MCF2L: variants seen among roughly 807,000 people sequenced by gnomAD.
MCF2L encodes MCF.2 cell line derived transforming sequence like, also known as guanine nucleotide exchange factor DBS.
Under a neutral mutation model 153.4 loss-of-function variants are expected in MCF2L, and 97 were observed. The observed-to-expected ratio is 0.63, with a 90% CI of 0.54 to 0.75. MCF2L has a LOEUF of 0.75. MCF2L is among the 30% of genes least tolerant of loss of function. The pLI is 0.00. For missense variants in MCF2L, 1,347 were observed against 1,495.2 expected, an observed-to-expected ratio of 0.90 and a Z score of 1.64; for synonymous variants, 659 against 632.2, an observed-to-expected ratio of 1.04 and a Z score of -0.64.
At position 112,993,655 on chromosome 13, in the gene MCF2L, T is replaced by G. The variant is rs2082985293; in HGVS notation, c.80-21108T>G. Among the ~76,000 whole-genome samples the G allele has an allele frequency of 6.6e-6, 1 of 152,040 alleles. No homozygotes were observed. The highest frequency in any genetic ancestry group is 1.5e-5 in the Non-Finnish European group (1 of 68,014). On this transcript the variant is annotated intron_variant, in intron 1 of 29. Coordinates refer to ENST00000535094, the MANE Select transcript of MCF2L (RefSeq NM_001112732.3). This position sits in a 1 kb window ranked among gnomAD's most constrained non-coding sequence, Gnocchi z 4.6. ...AGAGGGAGCGAGAAGTCATCGTCAA[T>G]GGCCCCACGATGTCAGGCTTGGAAT...
chr13:113,065,203 A>G, intron 7 of MCF2L, 118 bp downstream of exon 7: 1 of 1,276,358 alleles, frequency 7.8e-7, no homozygotes, highest in Non-Finnish European at 1.1e-6. Context: ...TTGTGTCAGC[A>G]GCACGTAAGA....
At chr13:112,979,665 T>C in intron 1 of MCF2L, 1 of 1,612,862 alleles carries the variant, frequency 6.2e-7, no homozygotes, top group East Asian at 2.2e-5. Context: ...ACAGGGCGGT[T>C]CGATGGCCGA....
At chr13:112,938,340 G>A (rs1460316046) in intron 2 of MCF2L, among the ~76,000 whole-genome samples, 1 of 152,080 alleles carries the variant, frequency 6.6e-6, no homozygotes, top group African/African-American at 2.4e-5. Context: ...TGAGTGGTTG[G>A]TTCAGGTGAG....
intron 7 of MCF2L, 82 bp downstream of exon 7, chr13:113,065,167 G>A (rs1446908445): frequency 4.2e-5 from 65 of 1,544,936 alleles, no homozygotes; most frequent in Non-Finnish European, 5.5e-5. Flanking sequence ...CGGAAGCTGC[G>A]GGGGGTCTTT....
intron 23 of MCF2L, 46 bp from the exon 24 acceptor site, chr13:113,088,281 C>T (rs9324220): frequency 0.15 from 221,821 of 1,482,648 alleles, 18,520 homozygotes; most frequent in Middle Eastern, 0.26. Context: ...CGTGTTTCCT[C>T]GGGGGCCTGA....
intron 1 of MCF2L, chr13:112,979,668 A>T: frequency 6.2e-7 from 1 of 1,612,880 alleles, no homozygotes; most frequent in African/African-American, 1.3e-5. Flanking sequence ...GGGCGGTTCG[A>T]TGGCCGAGAA....
At chr13:112,952,986 G>T (rs2081712037) in intron 2 of MCF2L, among the ~76,000 whole-genome samples, 1 of 152,222 alleles carries the variant, frequency 6.6e-6, no homozygotes, top group Non-Finnish European at 1.5e-5. Context: ...TACACGGGGG[G>T]CAGTTGGTTC....
chr13:113,091,094 T>C (rs1383511987), intron 26 of MCF2L: 1 of 1,304,252 alleles, frequency 7.7e-7, no homozygotes, highest in Non-Finnish European at 1.0e-6. Flanking sequence ...TCTCCGGTTG[T>C]ATTTCTGCCT....
intron 2 of MCF2L, among the ~76,000 whole-genome samples, chr13:112,908,578 T>C (rs1056386130): frequency 1.4e-4 from 22 of 152,308 alleles, no homozygotes; most frequent in African/African-American, 5.3e-4. Flanking sequence ...GTTAGGGGTT[T>C]CTGCCTGAGT....
intron 1 of MCF2L, among the ~76,000 whole-genome samples, chr13:113,007,011 C>T (rs2083748631): frequency 6.6e-6 from 1 of 152,138 alleles, no homozygotes; most frequent in Non-Finnish European, 1.5e-5. Flanking sequence ...CTGGAAGGAA[C>T]CTGCGTCCCT....
intron 5 of MCF2L, 22 bp downstream of exon 5, chr13:113,060,734 C>G: frequency 6.2e-7 from 1 of 1,610,448 alleles, no homozygotes. Flanking sequence ...CCGCCTCCAT[C>G]CTGCGGTAGC....
At chr13:113,077,666 G>A (rs61966398) in intron 13 of MCF2L, among the ~76,000 whole-genome samples, 3,326 of 152,286 alleles carry the variant, frequency 0.022, 48 homozygotes, top group Middle Eastern at 0.068. Flanking sequence ...GAGCCCTGAA[G>A]AGCCACGTCC....
At chr13:113,024,595 C>G in intron 2 of MCF2L, 49 bp from the exon 3 acceptor site, 1 of 1,284,218 alleles carries the variant, frequency 7.8e-7, no homozygotes, top group Non-Finnish European at 1.1e-6. Flanking sequence ...GTGGAACCCC[C>G]GGGGGCATGG....
chr13:113,034,562 CCT>C (rs2086015099), intron 3 of MCF2L, among the ~76,000 whole-genome samples: 9 of 151,784 alleles, frequency 5.9e-5, no homozygotes, highest in Non-Finnish European at 8.8e-5. Context: ...CTGGTCTCAC[CCT>C]CGCCCTCACC....
At chr13:113,044,776 TG>T in intron 3 of MCF2L, 1 of 1,612,922 alleles carries the variant, frequency 6.2e-7, no homozygotes, top group South Asian at 1.1e-5. Flanking sequence ...AGCAGATGCT[TG>T]GGAACCTTCA....
chr13:112,903,602 G>A (rs1435362285), intron 2 of MCF2L, among the ~76,000 whole-genome samples: 1 of 152,194 alleles, frequency 6.6e-6, no homozygotes, highest in Non-Finnish European at 1.5e-5. Flanking sequence ...TGTTGGTTTA[G>A]AGCTGGCTGG....
At chr13:113,066,544 T>C (rs1398991302) in intron 8 of MCF2L, among the ~76,000 whole-genome samples, 9 of 152,220 alleles carry the variant, frequency 5.9e-5, no homozygotes, top group African/African-American at 2.2e-4. Flanking sequence ...GGGGTTCTCC[T>C]TGCTGCAGAT....
chr13:113,038,580 C>G (rs146129443), intron 3 of MCF2L, among the ~76,000 whole-genome samples: 1 of 151,778 alleles, frequency 6.6e-6, no homozygotes, highest in Non-Finnish European at 1.5e-5. Flanking sequence ...TCTAAATAAA[C>G]ATATAGATCG....
In MCF2L at chr13:112,997,627, G is replaced by A. The variant is rs150342589; in HGVS notation, c.80-17136G>A. ...CAGCCTGATGGCTCCAGACAGGGCT[G>A]ACCAGGTTTGTAAAATGAAATTGTC... is the stretch of plus-strand genomic sequence containing the variant. On this transcript the variant is annotated intron_variant, in intron 1 of 29. Coordinates refer to ENST00000535094, the MANE Select transcript of MCF2L (RefSeq NM_001112732.3). 9.2e-5 allele frequency among the ~76,000 whole-genome samples: 14 copies of A among 152,356 alleles called. 1 individual carries two copies. Among genetic ancestry groups the A allele is most frequent in the Non-Finnish European group, 1.6e-4 (11 of 68,040 alleles).
Sources: allele counts gnomAD v4.1 joint callset (sites outside exome capture counted in the v4.1 genomes callset), GRCh38; gene constraint gnomAD v4.1.1; non-coding constraint Gnocchi (gnomAD v3.1); transcripts MANE v1.5; gene names NCBI Gene and HGNC (gene_info 2026-07-23, HGNC 2026-07-21).